Variants in ESRRG observed in about 807,000 individuals in gnomAD.
ESRRG encodes the protein estrogen-related receptor gamma.
A neutral mutation model predicts 44.0 loss-of-function variants in ESRRG; 13 were observed. The observed-to-expected ratio is 0.30, with a 90% CI of 0.19 to 0.47. ESRRG has a LOEUF of 0.47. Among genes scored for constraint, ESRRG ranks in the 20% least tolerant of loss-of-function variants. ESRRG has a pLI of 1.00. For synonymous variants in ESRRG, 215 were observed against 214.6 expected (o/e 1.00, Z -0.02); for missense variants, 395 against 580.6 (o/e 0.68, Z 3.29).
intron 1 of ESRRG, among the ~76,000 whole-genome samples, chr1:217,111,502 C>T (rs2092661061): frequency 6.6e-6 from 1 of 152,176 alleles, no homozygotes; most frequent in African/African-American, 2.4e-5. Flanking sequence ...TAGTCCATGG[C>T]ATTCAAAACT....
At chr1:216,839,175 A>G (rs1453793044) in intron 2 of ESRRG, among the ~76,000 whole-genome samples, 3 of 152,178 alleles carry the variant, frequency 2.0e-5, no homozygotes, top group Non-Finnish European at 4.4e-5. Flanking sequence ...CATTTCAACA[A>G]TCTTCACAGC....
At chr1:216,928,651 T>A (rs1207458601) in intron 2 of ESRRG, among the ~76,000 whole-genome samples, 1 of 152,158 alleles carries the variant, frequency 6.6e-6, no homozygotes, top group African/African-American at 2.4e-5. Context: ...CTAGATTACA[T>A]GGAGGATTAT....
At chr1:216,849,421 A>T (rs115099163) in intron 2 of ESRRG, among the ~76,000 whole-genome samples, 2,932 of 152,270 alleles carry the variant, frequency 0.019, 108 homozygotes, top group African/African-American at 0.068. Context: ...TACACAAGTC[A>T]TTATCTCTCG....
intron 1 of ESRRG, among the ~76,000 whole-genome samples, chr1:217,137,321 G>T (rs1276192369): frequency 6.6e-6 from 1 of 152,172 alleles, no homozygotes; most frequent in Non-Finnish European, 1.5e-5. Context: ...CCTCTTAAAC[G>T]CAAAAGTTAC....
intron 3 of ESRRG, among the ~76,000 whole-genome samples, chr1:216,640,491 G>GAC (rs1040458690): frequency 3.5e-4 from 2 of 5,750 alleles, no homozygotes; most frequent in African/African-American, 1.9e-3. Context: ...AAGTGAGGGA[G>GAC]AGAGAGAGAG....
chr1:216,691,285 T>C (rs919869382), intron 1 of ESRRG, among the ~76,000 whole-genome samples: 423 of 152,260 alleles, frequency 2.8e-3, no homozygotes, highest in African/African-American at 9.6e-3. Context: ...TATAAGTATA[T>C]ACATACAAAG....
intron 1 of ESRRG, among the ~76,000 whole-genome samples, chr1:217,057,887 ATCT>A (rs1460922198): frequency 6.6e-6 from 1 of 152,186 alleles, no homozygotes; most frequent in East Asian, 1.9e-4. Context: ...CCCAAGATAA[ATCT>A]TCTTCCAACG....
At chr1:216,595,760 C>G (rs2058338376) in intron 3 of ESRRG, among the ~76,000 whole-genome samples, 1 of 152,214 alleles carries the variant, frequency 6.6e-6, no homozygotes, top group African/African-American at 2.4e-5. Context: ...TAAACTCCCT[C>G]AAAGACCCTG....
chr1:216,540,950 T>A (rs1186647285), intron 5 of ESRRG, among the ~76,000 whole-genome samples: 2 of 152,066 alleles, frequency 1.3e-5, no homozygotes. Flanking sequence ...TGTTTCTTTA[T>A]AACCCGGGAA....
chr1:216,877,793 T>C (rs2096381336), intron 2 of ESRRG, among the ~76,000 whole-genome samples: 1 of 152,172 alleles, frequency 6.6e-6, no homozygotes. Context: ...ATTTTTTTCA[T>C]TCAGCACTAT....
intron 1 of ESRRG, among the ~76,000 whole-genome samples, chr1:217,018,493 C>G (rs1579564910): frequency 6.6e-6 from 1 of 152,240 alleles, no homozygotes; most frequent in East Asian, 1.9e-4. Context: ...TGCACAAAGC[C>G]TTTTCTGAGC....
intron 2 of ESRRG, among the ~76,000 whole-genome samples, chr1:216,867,323 C>A (rs1413078416): frequency 1.3e-5 from 2 of 152,118 alleles, no homozygotes; most frequent in African/African-American, 4.8e-5. Flanking sequence ...TCTAACCTCT[C>A]CTTTTTACAC....
chr1:216,810,102 C>T (rs1390899804), intron 2 of ESRRG, among the ~76,000 whole-genome samples: 2 of 152,120 alleles, frequency 1.3e-5, no homozygotes, highest in African/African-American at 4.8e-5. Flanking sequence ...CTCTTAGAAT[C>T]TTTTATGAGT....
At chr1:216,891,952 A>G (rs2057857410) in intron 2 of ESRRG, among the ~76,000 whole-genome samples, 2 of 151,916 alleles carry the variant, frequency 1.3e-5, no homozygotes, top group Non-Finnish European at 2.9e-5. Context: ...GACAACAGGC[A>G]TGTGCCAGCA....
chr1:216,586,940 T>C (rs2063921080), intron 3 of ESRRG, among the ~76,000 whole-genome samples: 1 of 152,158 alleles, frequency 6.6e-6, no homozygotes, highest in Admixed American at 6.5e-5. Flanking sequence ...TGACATTTTA[T>C]CCTCCTTGAA....
intron 2 of ESRRG, among the ~76,000 whole-genome samples, chr1:216,801,714 A>T (rs1480892828): frequency 6.6e-6 from 1 of 152,056 alleles, no homozygotes; most frequent in Non-Finnish European, 1.5e-5. Context: ...CTTTTCATAT[A>T]CCTATTGGTC....
intron 1 of ESRRG, among the ~76,000 whole-genome samples, chr1:216,710,773 C>T (rs1388083770): frequency 2.6e-5 from 4 of 152,234 alleles, no homozygotes; most frequent in East Asian, 3.9e-4. Context: ...CTCTTCCCAC[C>T]GCCCCCACCC....
intron 2 of ESRRG, among the ~76,000 whole-genome samples, chr1:216,741,284 T>C (rs866364745): frequency 4.1e-5 from 6 of 147,820 alleles, no homozygotes; most frequent in Middle Eastern, 3.6e-3. Context: ...ATATAATTTA[T>C]ATTTGTAATT....
At chr1:217,134,093 G>C (rs1447378624) in intron 1 of ESRRG, among the ~76,000 whole-genome samples, 3 of 152,140 alleles carry the variant, frequency 2.0e-5, no homozygotes, top group African/African-American at 7.2e-5. Context: ...GGCCAGATGC[G>C]GGCGCCCCGG....
Sources: gnomAD v4.1 joint callset for allele counts (sites outside exome capture counted in the v4.1 genomes callset) on GRCh38, gnomAD v4.1.1 for gene constraint, MANE v1.5 for transcripts, NCBI Gene and HGNC (gene_info 2026-07-23, HGNC 2026-07-21) for gene names.